RBFOX1: variants seen among roughly 807,000 people sequenced by gnomAD.
RBFOX1 encodes RNA binding protein fox-1 homolog 1.
RBFOX1 carries 8 observed loss-of-function variants against 57.7 expected under a neutral mutation model. That is an observed-to-expected ratio of 0.14 (90% confidence interval 0.08 to 0.25). The LOEUF (loss-of-function observed/expected upper bound fraction) is 0.25. Among genes scored for constraint, RBFOX1 ranks in the 10% least tolerant of loss-of-function variants. RBFOX1 has a pLI of 1.00. For synonymous variants in RBFOX1, 326 were observed against 222.4 expected, an observed-to-expected ratio of 1.47 and a Z score of -4.15; for missense variants, 611 against 548.5, an observed-to-expected ratio of 1.11 and a Z score of -1.14.
chr16:7,413,705 T>C (rs1256133006), intron 4 of RBFOX1, among the ~76,000 whole-genome samples: 1 of 151,894 alleles, frequency 6.6e-6, no homozygotes, highest in Non-Finnish European at 1.5e-5. Flanking sequence ...CATTCAGAAA[T>C]GGATAGGATT....
chr16:7,033,610 C>T (rs532292825), intron 3 of RBFOX1, among the ~76,000 whole-genome samples: 43 of 152,282 alleles, frequency 2.8e-4, no homozygotes, highest in South Asian at 6.2e-4. Context: ...TTTAAAGACA[C>T]AGAATGGCTC....
chr16:6,202,422 T>A (rs1403878288), intron 1 of RBFOX1, among the ~76,000 whole-genome samples: 1 of 152,142 alleles, frequency 6.6e-6, no homozygotes, highest in Admixed American at 6.5e-5. Flanking sequence ...ATTCAATCCA[T>A]CTTCTTTCTT....
chr16:5,649,565 A>G lies in RBFOX1; in HGVS notation c.318+50604A>G, dbSNP rs1326125614. On this transcript the variant is annotated intron_variant, in intron 3 of 19. Transcript: ENST00000641259. ...TTTAATAAAACTAAAAACAGAAATCATAGCTAAGCTCATCCCATCGTCTCC... is the reference window on the plus strand; with the variant it reads ...TTTAATAAAACTAAAAACAGAAATCGTAGCTAAGCTCATCCCATCGTCTCC... Among the ~76,000 whole-genome samples the G allele has an allele frequency of 2.6e-5, 4 of 152,316 alleles. No homozygotes were observed. The East Asian group carries it at 5.8e-4, about 22-fold the overall frequency.
intron 2 of RBFOX1, among the ~76,000 whole-genome samples, chr16:5,595,504 A>C (rs149534803): frequency 6.6e-6 from 1 of 152,314 alleles, no homozygotes; most frequent in Admixed American, 6.5e-5. Context: ...CAGCGACCAG[A>C]GTGACAGCTG....
At chr16:5,891,966 A>C (rs527369815) in intron 4 of RBFOX1, among the ~76,000 whole-genome samples, 1 of 152,304 alleles carries the variant, frequency 6.6e-6, no homozygotes, top group South Asian at 2.1e-4. Flanking sequence ...ACAAACTCTC[A>C]CTTACTGCCC....
chr16:7,245,706 C>G (rs1202855383), intron 4 of RBFOX1, among the ~76,000 whole-genome samples: 2 of 152,184 alleles, frequency 1.3e-5, no homozygotes, highest in Admixed American at 6.5e-5. Flanking sequence ...TGCCTGCTCA[C>G]TTAAGGATAC....
At chr16:5,343,298 G>GTTTTTTTTTTTTTTTTTTTTTTGTTTTT (rs33934959) in intron 1 of RBFOX1, among the ~76,000 whole-genome samples, 1 of 109,950 alleles carries the variant, frequency 9.1e-6, no homozygotes, top group East Asian at 3.0e-4. Context: ...CTTCTTTGAA[G>GTTTTTTTTTTTTTTTTTTTTTTGTTTTT]TTTTTTTTTT....
chr16:6,766,191 A>G (rs1484978382), intron 3 of RBFOX1, among the ~76,000 whole-genome samples: 1 of 152,140 alleles, frequency 6.6e-6, no homozygotes, highest in Admixed American at 6.6e-5. Flanking sequence ...AAAAAAAAAG[A>G]CATGAATAAG....
intron 1 of RBFOX1, among the ~76,000 whole-genome samples, chr16:5,317,231 A>G (rs538142055): frequency 6.6e-6 from 1 of 152,094 alleles, no homozygotes; most frequent in African/African-American, 2.4e-5. Flanking sequence ...CGATATATGT[A>G]TGTGTATTTT....
chr16:6,133,061 T>G (rs2096641207), intron 1 of RBFOX1, among the ~76,000 whole-genome samples: 1 of 151,388 alleles, frequency 6.6e-6, no homozygotes, highest in Admixed American at 6.6e-5. Context: ...TCTGAGAGAC[T>G]GCCTCAAAGG....
In RBFOX1 at chr16:5,342,557, T is replaced by C. The variant is rs562931327; in HGVS notation, c.219+102452T>C. Among the ~76,000 whole-genome samples, 6 of 152,314 alleles carry C rather than the reference T, an allele frequency of 3.9e-5. No homozygotes were observed. The South Asian group carries it at 1.2e-3, about 32-fold the overall frequency. Reference sequence around the variant, plus strand: ...TGCAATGTAGAAATGAGGCAATTCATGTAGAACTTTTAGCTCGGGCCATGA... The same window carrying C: ...TGCAATGTAGAAATGAGGCAATTCACGTAGAACTTTTAGCTCGGGCCATGA... On this transcript the variant is annotated intron_variant, in intron 1 of 2. Transcript: ENST00000585867.
chr16:5,753,933 C>G (rs1010937706), intron 3 of RBFOX1, among the ~76,000 whole-genome samples: 2 of 152,042 alleles, frequency 1.3e-5, no homozygotes, highest in Non-Finnish European at 2.9e-5. Flanking sequence ...GTGTCCATCC[C>G]CCACTCCTCT....
chr16:6,199,254 T>C (rs1468989557), intron 1 of RBFOX1, among the ~76,000 whole-genome samples: 2 of 152,232 alleles, frequency 1.3e-5, no homozygotes, highest in East Asian at 3.8e-4. Flanking sequence ...GAACCAGCCA[T>C]GTGTAAAATA....
intron 4 of RBFOX1, among the ~76,000 whole-genome samples, chr16:7,476,529 C>G (rs560418390): frequency 1.1e-4 from 17 of 152,288 alleles, no homozygotes; most frequent in African/African-American, 4.1e-4. Context: ...TCAGAAGATA[C>G]AAGAGGAAAA....
At chr16:6,621,412 C>A (rs887759705) in intron 2 of RBFOX1, among the ~76,000 whole-genome samples, 3 of 152,160 alleles carry the variant, frequency 2.0e-5, no homozygotes, top group Non-Finnish European at 4.4e-5. Context: ...TGCAGTGAAC[C>A]AAGATTGCGC....
chr16:7,199,138 C>G (rs552842914), intron 4 of RBFOX1, among the ~76,000 whole-genome samples: 8 of 152,098 alleles, frequency 5.3e-5, no homozygotes, highest in Non-Finnish European at 7.4e-5. Context: ...ATGTTAGGGA[C>G]TGTTGATGAG....
intron 4 of RBFOX1, among the ~76,000 whole-genome samples, chr16:7,211,510 A>G (rs940311549): frequency 6.6e-6 from 1 of 152,158 alleles, no homozygotes; most frequent in Non-Finnish European, 1.5e-5. Flanking sequence ...ACTAGTAAAT[A>G]CAGGGAATTA....
intron 2 of RBFOX1, among the ~76,000 whole-genome samples, chr16:6,595,636 C>T (rs778223339): frequency 1.4e-4 from 22 of 152,102 alleles, no homozygotes; most frequent in Non-Finnish European, 2.6e-4. Flanking sequence ...ACTTCCAAAC[C>T]GTTTTCCAAC....
intron 3 of RBFOX1, among the ~76,000 whole-genome samples, chr16:5,766,668 GA>G (rs1385360134): frequency 6.6e-6 from 1 of 152,116 alleles, no homozygotes; most frequent in East Asian, 1.9e-4. Context: ...AGACATGAGG[GA>G]TCCCCCCCCA....
Sources: allele counts gnomAD v4.1 joint callset (sites outside exome capture counted in the v4.1 genomes callset), GRCh38; gene constraint gnomAD v4.1.1; transcripts MANE v1.5; gene names NCBI Gene and HGNC (gene_info 2026-07-23, HGNC 2026-07-21).